The following ACOT7 variants were observed in gnomAD, a reference collection of about 807,000 sequenced individuals.
The protein encoded by ACOT7 is acyl-CoA thioesterase 7, also known as cytosolic acyl coenzyme A thioester hydrolase.
In ACOT7, 12 loss-of-function variants were observed where a neutral mutation model predicts 40.2. That is an observed-to-expected ratio of 0.30 (90% CI 0.19 to 0.48). ACOT7 has a LOEUF of 0.48. ACOT7 is among the 20% of genes least tolerant of loss of function. ACOT7 has a pLI of 0.99. For missense variants in ACOT7, 395 were observed against 530.8 expected, an observed-to-expected ratio of 0.74 and a Z score of 2.51; for synonymous variants, 228 against 219.5, an observed-to-expected ratio of 1.04 and a Z score of -0.34.
intron 6 of ACOT7, among the ~76,000 whole-genome samples, chr1:6,300,597 G>A (rs1307118363): frequency 7.8e-6 from 1 of 128,382 alleles, no homozygotes; most frequent in Non-Finnish European, 1.6e-5. Context: ...CACAAACACG[G>A]AATCTCACCG....
rs565010431 is a variant in ACOT7, at chr1:6,311,511, G to T, written c.712+6981C>A. Among the ~76,000 whole-genome samples the T allele has an allele frequency of 3.3e-5, 5 of 152,308 alleles. No homozygotes were observed. The highest frequency in any genetic ancestry group is 9.6e-5 in the African/African-American group (4 of 41,566). On this transcript the variant is annotated intron_variant, in intron 6 of 8. Coordinates refer to ENST00000361521, the MANE Select transcript of ACOT7 (RefSeq NM_007274.4). This position sits in a 1 kb window ranked among gnomAD's most constrained non-coding sequence, Gnocchi z 5.2. ...GGCAGGGCTGGAGCTGCCGCTGTCC[G>T]CAAGGTTCAATCTGCCCCTCAAGGT...
chr1:6,264,569 C>T lies in ACOT7; in HGVS notation c.*28G>A, dbSNP rs766797023. 6.3e-6 allele frequency: 10 copies of T among 1,599,998 alleles called. No individual in the cohort carries two copies. Among genetic ancestry groups the T allele is most frequent in the African/African-American group, 1.3e-5 (1 of 74,494 alleles). On this transcript the variant is annotated 3_prime_UTR_variant, in exon 9 of 9. Transcript: ENST00000361521. ...CACTGGGCCCGTTGCCATGGCTACT[C>T]GAGGCACCAGTGGCAGGAGGAGGGA... is the stretch of plus-strand genomic sequence containing the variant.
At position 6,306,462 on chromosome 1, in the gene ACOT7, T is replaced by C; in HGVS notation, c.713-11482A>G. 1.0e-6 allele frequency: 1 copy of C among 985,278 alleles called. No individual in the cohort carries two copies. Among genetic ancestry groups the C allele is most frequent in the Non-Finnish European group, 1.2e-6 (1 of 829,896 alleles). The allele number at this position is 985,278 out of a possible 1,614,324, so 61.0% of individuals were successfully genotyped here. A position where few individuals can be genotyped will look rare whatever the true frequency, so the allele number is the denominator to read the frequency against. On this transcript the variant is annotated intron_variant, in intron 6 of 8. Coordinates refer to ENST00000361521, the MANE Select transcript of ACOT7 (RefSeq NM_007274.4). This position sits in a 1 kb window ranked among gnomAD's most constrained non-coding sequence, Gnocchi z 4.3. ...GCCCAGGCTTTCAGGGTTGACACCA[T>C]CTCGGGGTTCAAGGTTCAAGTTCAC...
chr1:6,318,618 T>A, intron 5 of ACOT7, 40 bp from the exon 6 acceptor site: 1 of 1,597,300 alleles, frequency 6.3e-7, no homozygotes, highest in Non-Finnish European at 8.6e-7. Flanking sequence ...TGGGGTAGGC[T>A]GATTCCCACA....
Position 6,292,496 on chromosome 1 carries a change from C to T in ACOT7, c.829+2368G>A, listed in dbSNP as rs117389420. Among the ~76,000 whole-genome samples the T allele has an allele frequency of 1.2e-4, 18 of 152,340 alleles. No homozygotes were observed. In the East Asian group the frequency reaches 3.3e-3, roughly 28 times the overall value. ...TCCTCGTCCGAGTTGCCCCAGATGT[C>T]TTCTAGGTTGCTAAGTTAATTCCTG... On this transcript the variant is annotated intron_variant, in intron 7 of 8. Coordinates refer to ENST00000361521, the MANE Select transcript of ACOT7 (RefSeq NM_007274.4).
chr1:6,320,199 G>A, intron 5 of ACOT7, among the ~76,000 whole-genome samples: 1 of 152,222 alleles, frequency 6.6e-6, no homozygotes, highest in East Asian at 1.9e-4. Context: ...CACACACGAA[G>A]CCCTGTAAAT....
At chr1:6,366,868 G>A (rs1333802021) in intron 1 of ACOT7, among the ~76,000 whole-genome samples, 1 of 151,878 alleles carries the variant, frequency 6.6e-6, no homozygotes, top group Non-Finnish European at 1.5e-5. Flanking sequence ...CAGCCAAGAT[G>A]GTCTCGATCT....
At chr1:6,265,015 G>C (rs763744988) in intron 8 of ACOT7, among the ~76,000 whole-genome samples, 3 of 152,248 alleles carry the variant, frequency 2.0e-5, no homozygotes, top group Non-Finnish European at 2.9e-5. Flanking sequence ...GAAGCAGTCA[G>C]TGAAGTGCCG....
rs1213848675 is a variant in ACOT7 at position 6,358,813 on chromosome 1, T to A, written c.144-8947A>T. ...CCCCTGCACGGCCTAGACATGCCCATGACTGGCAGTACCTGCTCAGCTGGA... is the reference window on the plus strand; with the variant it reads ...CCCCTGCACGGCCTAGACATGCCCAAGACTGGCAGTACCTGCTCAGCTGGA... On this transcript the variant is annotated intron_variant, in intron 1 of 8. Transcript: ENST00000361521. The surrounding 1 kb of genome is among the most constrained non-coding windows in gnomAD (Gnocchi z 4.1). The A allele has an allele frequency of 6.2e-7, 1 of 1,613,358 alleles. No homozygotes were observed. The highest frequency in any genetic ancestry group is 8.5e-7 in the Non-Finnish European group (1 of 1,179,316).
chr1:6,390,890 C>T (rs532804175), intron 1 of ACOT7, among the ~76,000 whole-genome samples: 9 of 152,072 alleles, frequency 5.9e-5, no homozygotes, highest in South Asian at 4.2e-4. Context: ...GAGCTGAGAT[C>T]GTGCCATTGC....
At chr1:6,365,973 C>A (rs1250452876) in intron 1 of ACOT7, among the ~76,000 whole-genome samples, 1 of 151,418 alleles carries the variant, frequency 6.6e-6, no homozygotes, top group Non-Finnish European at 1.5e-5. Context: ...TGGCTCACTG[C>A]AACCTCTGCC....
chr1:6,357,420 G>T (rs1024426302), intron 1 of ACOT7, among the ~76,000 whole-genome samples: 6 of 152,224 alleles, frequency 3.9e-5, no homozygotes, highest in Non-Finnish European at 8.8e-5. Context: ...CTGCAGGGCA[G>T]GCGGCTCATT....
In ACOT7 at chr1:6,330,231, T is replaced by C. The variant is rs1167175996; in HGVS notation, c.511-2818A>G. Among the ~76,000 whole-genome samples, 1 of 152,220 alleles carries C rather than the reference T, an allele frequency of 6.6e-6. No homozygotes were observed. The highest frequency in any genetic ancestry group is 2.4e-5 in the African/African-American group (1 of 41,452). On this transcript the variant is annotated intron_variant, in intron 4 of 8. Transcript: ENST00000361521. The surrounding 1 kb of genome is among the most constrained non-coding windows in gnomAD (Gnocchi z 4.6). ...TGTAGAAAGGTCAGCGGGAGCATGC[T>C]CATGCAATATAAGACAGCCCTGTGG...
intron 6 of ACOT7, among the ~76,000 whole-genome samples, chr1:6,304,706 TG>T (rs1353800693): frequency 7.6e-6 from 1 of 131,408 alleles, no homozygotes; most frequent in South Asian, 2.6e-4. Context: ...AGCACAGGGT[TG>T]GGGGTAAGGT....
chr1:6,346,307 G>A (rs1641419776), intron 2 of ACOT7, among the ~76,000 whole-genome samples: 1 of 152,196 alleles, frequency 6.6e-6, no homozygotes, highest in Non-Finnish European at 1.5e-5. Context: ...TCATCATGTT[G>A]CCCAGGCTGG....
At chr1:6,308,663 A>ACG (rs1233170702) in intron 6 of ACOT7, among the ~76,000 whole-genome samples, 2 of 149,790 alleles carry the variant, frequency 1.3e-5, no homozygotes, top group Non-Finnish European at 3.0e-5. Context: ...AAGGAACAGC[A>ACG]ACAGGCAGAG....
At chr1:6,296,308 G>T (rs915091954) in intron 6 of ACOT7, among the ~76,000 whole-genome samples, 1 of 152,252 alleles carries the variant, frequency 6.6e-6, no homozygotes, top group Non-Finnish European at 1.5e-5. Context: ...TCGGGCTGCA[G>T]ATGTCCGCTT....
chr1:6,335,431 T>G (rs759807396), intron 3 of ACOT7, among the ~76,000 whole-genome samples: 1 of 151,408 alleles, frequency 6.6e-6, no homozygotes, highest in Non-Finnish European at 1.5e-5. Flanking sequence ...AGGCAGAGAT[T>G]ACAGTGAGCC....
rs778651097 is a variant in ACOT7 at position 6,358,785 on chromosome 1, TGG to T, written c.144-8921_144-8920del. 1 of 1,591,096 alleles carries T rather than the reference TGG, an allele frequency of 6.3e-7. No homozygotes were observed. On this transcript the variant is annotated intron_variant, in intron 1 of 8. Coordinates refer to ENST00000361521, the MANE Select transcript of ACOT7 (RefSeq NM_007274.4). This position sits in a 1 kb window ranked among gnomAD's most constrained non-coding sequence, Gnocchi z 4.1. Reference sequence around the variant, plus strand: ...ATGTCCCTAAACAATCCACCCACAGTGGCCCCTGCACGGCCTAGACATGCCCA... The same window carrying T: ...ATGTCCCTAAACAATCCACCCACAGTCCCCTGCACGGCCTAGACATGCCCA...
Sources: allele counts gnomAD v4.1 joint callset (sites outside exome capture counted in the v4.1 genomes callset), GRCh38; gene constraint gnomAD v4.1.1; non-coding constraint Gnocchi (gnomAD v3.1); transcripts MANE v1.5; gene names NCBI Gene and HGNC (gene_info 2026-07-23, HGNC 2026-07-21).